ATG7: variants seen among roughly 807,000 people sequenced by gnomAD.
The protein encoded by ATG7 is ubiquitin-like modifier-activating enzyme ATG7.
ATG7 carries 70 observed loss-of-function variants against 82.4 expected under a neutral mutation model. The ratio of observed to expected loss-of-function variants is 0.85; its 90% CI spans 0.70 to 1.04. ATG7 has a LOEUF of 1.04. ATG7 is among the 50% of genes least tolerant of loss of function. The pLI is 0.00. For synonymous variants in ATG7, 287 were observed against 313.0 expected, an observed-to-expected ratio of 0.92 and a Z score of 0.88; for missense variants, 792 against 864.3, an observed-to-expected ratio of 0.92 and a Z score of 1.05.
intron 19 of ATG7, among the ~76,000 whole-genome samples, chr3:11,395,962 A>G (rs1401737749): frequency 1.6e-5 from 2 of 121,930 alleles, no homozygotes; most frequent in African/African-American, 3.2e-5. Flanking sequence ...AAAAAAAAAA[A>G]AAAGGTAGGG....
chr3:11,343,549 C>T (rs554539605), intron 13 of ATG7, among the ~76,000 whole-genome samples: 129 of 151,994 alleles, frequency 8.5e-4, no homozygotes, highest in Non-Finnish European at 1.5e-3. Flanking sequence ...GTGTCTTTAG[C>T]CATATAAAAG....
At chr3:11,531,529 G>A (rs544546275) in intron 20 of ATG7, among the ~76,000 whole-genome samples, 3 of 152,216 alleles carry the variant, frequency 2.0e-5, no homozygotes, top group South Asian at 2.1e-4. Context: ...CACATGGTCC[G>A]CAAGTCTGCA....
intron 20 of ATG7, among the ~76,000 whole-genome samples, chr3:11,461,798 G>A (rs905780641): frequency 7.9e-5 from 12 of 152,074 alleles, no homozygotes; most frequent in South Asian, 2.1e-4. Flanking sequence ...AGGCCGAAGC[G>A]GGCGGATCAC....
rs1202110638 is a variant in ATG7, at chr3:11,347,858, A to G, written c.1126-19A>G. On this transcript the variant is annotated intron_variant, in intron 13 of 20. Transcript: ENST00000693202. ...AAATGTTCATCAGAAACACACCATG[A>G]TCTCCTGTTTCCACACAGGGTTGGG... 6.2e-7 allele frequency: 1 copy of G among 1,609,066 alleles called. No individual in the cohort carries two copies. The highest frequency in any genetic ancestry group is 8.5e-7 in the Non-Finnish European group (1 of 1,176,748).
intron 9 of ATG7, among the ~76,000 whole-genome samples, chr3:11,320,703 C>T (rs528304956): frequency 3.9e-5 from 6 of 152,312 alleles, no homozygotes; most frequent in African/African-American, 1.4e-4. Flanking sequence ...TGTCTGCATC[C>T]CATGGCATCA....
chr3:11,382,631 G>C (rs2077998001), intron 19 of ATG7, among the ~76,000 whole-genome samples: 2 of 152,154 alleles, frequency 1.3e-5, no homozygotes, highest in Non-Finnish European at 2.9e-5. Context: ...CTTCTACAAA[G>C]AAATTCCAAG....
chr3:11,467,533 G>A (rs2086959414), intron 20 of ATG7, among the ~76,000 whole-genome samples: 1 of 152,116 alleles, frequency 6.6e-6, no homozygotes, highest in Non-Finnish European at 1.5e-5. Context: ...CCACCATCGT[G>A]CCTGACTAAT....
chr3:11,559,625 A>AGTGAGC (rs1252879841), downstream of ATG7, among the ~76,000 whole-genome samples: 2 of 152,316 alleles, frequency 1.3e-5, no homozygotes, highest in Non-Finnish European at 2.9e-5. Context: ...CAATCCACAG[A>AGTGAGC]GTGAGCGCAG....
At chr3:11,486,978 G>A (rs910009353) in intron 20 of ATG7, among the ~76,000 whole-genome samples, 1 of 151,758 alleles carries the variant, frequency 6.6e-6, no homozygotes, top group African/African-American at 2.4e-5. Context: ...AGAGGACCCT[G>A]CGGCCTTCCG....
intron 14 of ATG7, among the ~76,000 whole-genome samples, chr3:11,354,939 T>C (rs2075830947): frequency 6.6e-6 from 1 of 152,194 alleles, no homozygotes; most frequent in East Asian, 1.9e-4. Context: ...TTCTGGCCCA[T>C]GCCATAGCCC....
chr3:11,422,706 A>C (rs979784492), intron 19 of ATG7, among the ~76,000 whole-genome samples: 12 of 131,554 alleles, frequency 9.1e-5, no homozygotes, highest in Non-Finnish European at 1.4e-4. Context: ...TCAGCTTTTG[A>C]CATGCCTTCC....
intron 20 of ATG7, among the ~76,000 whole-genome samples, chr3:11,521,289 CA>C (rs1442186588): frequency 6.6e-6 from 1 of 152,074 alleles, no homozygotes; most frequent in Non-Finnish European, 1.5e-5. Flanking sequence ...TGACAAAGAC[CA>C]GGGGAAAGCA....
chr3:11,415,022 T>G (rs1182613722), intron 19 of ATG7, among the ~76,000 whole-genome samples: 3 of 152,220 alleles, frequency 2.0e-5, no homozygotes, highest in African/African-American at 7.2e-5. Flanking sequence ...AAAGTGTCCT[T>G]ATACAAACCG....
At chr3:11,331,246 A>C (rs1951599093) in intron 9 of ATG7, 94 bp from the exon 10 acceptor site, 2 of 1,007,036 alleles carry the variant, frequency 2.0e-6, no homozygotes, top group Non-Finnish European at 3.1e-6. Flanking sequence ...GCTTTGCAGA[A>C]AGCATAAAAA....
intron 3 of ATG7, among the ~76,000 whole-genome samples, chr3:11,294,978 G>A (rs1293967978): frequency 6.6e-6 from 1 of 152,166 alleles, no homozygotes; most frequent in African/African-American, 2.4e-5. Flanking sequence ...CGGGCATGGT[G>A]GTGCACACCT....
chr3:11,495,191 C>T (rs1053332861), intron 20 of ATG7, among the ~76,000 whole-genome samples: 1 of 152,100 alleles, frequency 6.6e-6, no homozygotes, highest in Non-Finnish European at 1.5e-5. Flanking sequence ...CAGTTGGGTA[C>T]GTGGCTTAGA....
chr3:11,397,543 C>T (rs1480797566), intron 19 of ATG7, among the ~76,000 whole-genome samples: 1 of 151,902 alleles, frequency 6.6e-6, no homozygotes, highest in Non-Finnish European at 1.5e-5. Flanking sequence ...CTGTAGCCTC[C>T]ATCTCCCAGG....
chr3:11,525,155 G>A (rs1440056700), intron 20 of ATG7, among the ~76,000 whole-genome samples: 3 of 151,404 alleles, frequency 2.0e-5, no homozygotes, highest in Non-Finnish European at 4.4e-5. Flanking sequence ...TCCTGCCTCA[G>A]CCTCAGCTGG....
At chr3:11,527,400 T>C (rs980547791) in intron 20 of ATG7, among the ~76,000 whole-genome samples, 2 of 152,102 alleles carry the variant, frequency 1.3e-5, no homozygotes, top group Admixed American at 6.6e-5. Flanking sequence ...CGCCTGGCCT[T>C]TTTTTCTTAT....
Sources: gnomAD v4.1 joint callset for allele counts (sites outside exome capture counted in the v4.1 genomes callset) on GRCh38, gnomAD v4.1.1 for gene constraint, MANE v1.5 for transcripts, NCBI Gene and HGNC (gene_info 2026-07-23, HGNC 2026-07-21) for gene names.